The following ZNF475 variants were observed in gnomAD, a reference collection of about 807,000 sequenced individuals.
ZNF475 encodes zinc finger protein 475.
the ZNF475 span, among the ~76,000 whole-genome samples, chr5:122,181,627 G>A: frequency 6.6e-6 from 1 of 152,192 alleles, no homozygotes. Flanking sequence ...AAGCTTTAAC[G>A]AAGTAATCTA....
At chr5:122,162,706 C>G in the ZNF475 span, among the ~76,000 whole-genome samples, 1 of 152,108 alleles carries the variant, frequency 6.6e-6, no homozygotes. Context: ...TACCTCTGCA[C>G]CCCCACCCCT....
the ZNF475 span, among the ~76,000 whole-genome samples, chr5:122,164,968 C>T: frequency 1.3e-5 from 2 of 152,074 alleles, no homozygotes; most frequent in African/African-American, 4.8e-5. Flanking sequence ...AGGGGTTGGA[C>T]TGAGATGAAA....
the ZNF475 span, among the ~76,000 whole-genome samples, chr5:122,168,492 C>T: frequency 4.6e-5 from 7 of 152,262 alleles, no homozygotes; most frequent in Admixed American, 3.3e-4. Context: ...GGATGGATCA[C>T]GAGGTCAGGA....
the ZNF475 span, among the ~76,000 whole-genome samples, chr5:122,177,932 C>G: frequency 3.3e-5 from 5 of 151,844 alleles, no homozygotes; most frequent in African/African-American, 1.2e-4. Flanking sequence ...GTGTGATGTT[C>G]TCCTCCCCAT....
At chr5:122,174,183 C>T in the ZNF475 span, among the ~76,000 whole-genome samples, 6 of 151,398 alleles carry the variant, frequency 4.0e-5, no homozygotes, top group Admixed American at 3.9e-4. Flanking sequence ...ACAGTCTCTT[C>T]TTTCCGTTCC....
the ZNF475 span, chr5:122,160,410 A>G: frequency 2.0e-6 from 1 of 488,456 alleles, no homozygotes; most frequent in Admixed American, 2.8e-5. Context: ...AGTGAAATTG[A>G]CATGTAGCTT....
the ZNF475 span, among the ~76,000 whole-genome samples, chr5:122,171,103 TAG>T: frequency 1.3e-5 from 2 of 152,056 alleles, no homozygotes; most frequent in Non-Finnish European, 2.9e-5. Flanking sequence ...TTCCAACTAC[TAG>T]TTTGTTATAA....
At chr5:122,175,341 C>A in the ZNF475 span, among the ~76,000 whole-genome samples, 208 of 152,284 alleles carry the variant, frequency 1.4e-3, no homozygotes, top group Non-Finnish European at 2.5e-3. Flanking sequence ...AAGACATACA[C>A]ATTAACCAAG....
At chr5:122,182,444 A>G in the ZNF475 span, 3 of 1,357,874 alleles carry the variant, frequency 2.2e-6, no homozygotes, top group Admixed American at 3.0e-5. Flanking sequence ...TGTTTTTGGT[A>G]TTTTTTTTTC....
chr5:122,174,597 G>A, the ZNF475 span, among the ~76,000 whole-genome samples: 3 of 152,110 alleles, frequency 2.0e-5, no homozygotes, highest in Admixed American at 6.6e-5. Context: ...CCTTTTTATG[G>A]TATTAATTTT....
chr5:122,163,721 G>T, the ZNF475 span, among the ~76,000 whole-genome samples: 1 of 152,180 alleles, frequency 6.6e-6, no homozygotes, highest in East Asian at 1.9e-4. Flanking sequence ...TGACAGCCTG[G>T]GATCCAGCTG....
the ZNF475 span, among the ~76,000 whole-genome samples, chr5:122,161,292 A>G: frequency 6.6e-6 from 1 of 152,222 alleles, no homozygotes; most frequent in Non-Finnish European, 1.5e-5. Context: ...CTCTGATGCC[A>G]TGGTCCCATC....
At chr5:122,165,430 G>C in the ZNF475 span, among the ~76,000 whole-genome samples, 1 of 152,070 alleles carries the variant, frequency 6.6e-6, no homozygotes, top group African/African-American at 2.4e-5. Flanking sequence ...TGTGAGACAG[G>C]GTAAGGATTG....
At chr5:122,161,979 TTA>T in the ZNF475 span, among the ~76,000 whole-genome samples, 11 of 149,220 alleles carry the variant, frequency 7.4e-5, no homozygotes, top group Admixed American at 2.6e-4. Flanking sequence ...AATGTGAAAA[TTA>T]AAAAAAAAAA....
At chr5:122,173,068 T>G in the ZNF475 span, among the ~76,000 whole-genome samples, 2 of 152,168 alleles carry the variant, frequency 1.3e-5, no homozygotes, top group African/African-American at 4.8e-5. Flanking sequence ...TGTGGAGTGT[T>G]TCTGATATTT....
At chr5:122,179,800 G>T in the ZNF475 span, 1 of 1,159,666 alleles carries the variant, frequency 8.6e-7, no homozygotes. Context: ...AAGAGCAGAA[G>T]TATTCTTTTT....
the ZNF475 span, among the ~76,000 whole-genome samples, chr5:122,167,547 T>G: frequency 6.6e-6 from 1 of 152,342 alleles, no homozygotes; most frequent in Admixed American, 6.5e-5. Context: ...CTGGAATTTC[T>G]TTTACAACGT....
At chr5:122,175,570 T>C in the ZNF475 span, among the ~76,000 whole-genome samples, 1 of 152,232 alleles carries the variant, frequency 6.6e-6, no homozygotes, top group Non-Finnish European at 1.5e-5. Flanking sequence ...CATCTTTCAC[T>C]ATTTCCCAGA....
chr5:122,161,980 TA>T, the ZNF475 span, among the ~76,000 whole-genome samples: 1,309 of 141,390 alleles, frequency 9.3e-3, 13 homozygotes, highest in African/African-American at 0.028. Context: ...ATGTGAAAAT[TA>T]AAAAAAAAAA....
Sources: allele counts gnomAD v4.1 joint callset (sites outside exome capture counted in the v4.1 genomes callset), GRCh38; gene constraint gnomAD v4.1.1; transcripts MANE v1.5; gene names NCBI Gene and HGNC (gene_info 2026-07-23, HGNC 2026-07-21).